Variants in EMILIN2 observed in about 807,000 individuals in gnomAD.
EMILIN2 encodes the protein elastin microfibril interfacer 2, also known as EMILIN-2.
A neutral mutation model predicts 87.1 loss-of-function variants in EMILIN2; 71 were observed. The observed-to-expected ratio is 0.82, with a 90% CI of 0.67 to 0.99. The LOEUF (loss-of-function observed/expected upper bound fraction) is 0.99, where lower values mean the gene tolerates loss of function less well. EMILIN2 is among the 50% of genes least tolerant of loss of function. The probability of loss-of-function intolerance (pLI) is 0.00; values close to 1 mark genes in which losing one functional copy is unlikely to be tolerated. For synonymous variants in EMILIN2, 581 were observed against 563.4 expected (o/e 1.03, Z -0.44); for missense variants, 1,407 against 1,371.8 (o/e 1.03, Z -0.40).
chr18:2,879,440 C>G (rs1261696683), intron 2 of EMILIN2, among the ~76,000 whole-genome samples: 2 of 152,074 alleles, frequency 1.3e-5, no homozygotes, highest in Non-Finnish European at 2.9e-5. Flanking sequence ...GGGCGGATCA[C>G]CTGAGGTTGG....
intron 2 of EMILIN2, among the ~76,000 whole-genome samples, chr18:2,868,689 G>A (rs111239452): frequency 5.5e-4 from 84 of 152,328 alleles, no homozygotes; most frequent in East Asian, 5.0e-3. Context: ...GCAGGCACTC[G>A]GCAGGCTGAG....
intron 7 of EMILIN2, among the ~76,000 whole-genome samples, 155 bp from the exon 8 acceptor site, chr18:2,912,912 G>A (rs1469720552): frequency 6.6e-6 from 1 of 152,204 alleles, no homozygotes; most frequent in Non-Finnish European, 1.5e-5. Context: ...TAGGGGATGA[G>A]CATAAAAAGC....
intron 2 of EMILIN2, among the ~76,000 whole-genome samples, chr18:2,872,500 C>T (rs2076724948): frequency 6.6e-6 from 1 of 152,130 alleles, no homozygotes; most frequent in African/African-American, 2.4e-5. Flanking sequence ...GGGATTACAG[C>T]CATGAGCCAC....
At chr18:2,873,525 G>C (rs916722172) in intron 2 of EMILIN2, among the ~76,000 whole-genome samples, 2 of 151,926 alleles carry the variant, frequency 1.3e-5, no homozygotes, top group Non-Finnish European at 2.9e-5. Context: ...GGCTAACACG[G>C]TGAAACCCCA....
chr18:2,909,298 C>T (rs2076929624), intron 6 of EMILIN2, among the ~76,000 whole-genome samples: 1 of 152,206 alleles, frequency 6.6e-6, no homozygotes, highest in South Asian at 2.1e-4. Flanking sequence ...TCCTGGGGCT[C>T]CAGGTTTTAC....
Position 2,892,308 on chromosome 18 carries a change from G to A in EMILIN2, c.2181G>A (p.Lys727=). 6.2e-7 allele frequency: 1 copy of A among 1,614,220 alleles called. No individual in the cohort carries two copies. The highest frequency in any genetic ancestry group is 1.7e-5 in the Admixed American group (1 of 60,026). Residue 727 remains lysine (K), a synonymous_variant, in exon 4 of 8, where the codon AAG becomes AAA. Transcript: ENST00000254528. ...TCTCAGGAAATCTTCAGAGGATCAA[G>A]GAGGGGCTCAACAAGCATGTCAGCA... The part of the protein sequence containing the change: ...DSISGNLQRI[K]EGLNKHVSSL...
chr18:2,880,144 A>AG lies in EMILIN2; in HGVS notation c.258-4818dup, dbSNP rs2076769660. Among the ~76,000 whole-genome samples the AG allele has an allele frequency of 6.6e-6, 1 of 152,216 alleles. No homozygotes were observed. Among genetic ancestry groups the AG allele is most frequent in the Non-Finnish European group, 1.5e-5 (1 of 68,040 alleles). On this transcript the variant is annotated intron_variant, in intron 2 of 7. Transcript: ENST00000254528. The surrounding 1 kb of genome is among the most constrained non-coding windows in gnomAD (Gnocchi z 4.1). ...AAGTGTGAACTGAGGCGTGTTATGA[A>AG]GGAGGTCTCAACTTGAGTCAGTAGA...
chr18:2,901,608 T>C, intron 4 of EMILIN2, among the ~76,000 whole-genome samples: 1 of 152,228 alleles, frequency 6.6e-6, no homozygotes, highest in African/African-American at 2.4e-5. Context: ...GCAGTGTGGC[T>C]GGTCTGTCCC....
At chr18:2,877,140 G>A (rs1032119352) in intron 2 of EMILIN2, among the ~76,000 whole-genome samples, 108 of 152,174 alleles carry the variant, frequency 7.1e-4, no homozygotes, top group African/African-American at 2.4e-3. Context: ...AGGGATCTCC[G>A]GGGTCAGAGT....
chr18:2,847,737 T>C lies in EMILIN2; in HGVS notation c.135-72T>C. The C allele has an allele frequency of 6.5e-7, 1 of 1,549,106 alleles. No homozygotes were observed. Among genetic ancestry groups the C allele is most frequent in the South Asian group, 1.2e-5 (1 of 84,538 alleles). On this transcript the variant is annotated intron_variant, in intron 1 of 7. Coordinates refer to ENST00000254528, the MANE Select transcript of EMILIN2 (RefSeq NM_032048.3). The surrounding 1 kb of genome is among the most constrained non-coding windows in gnomAD (Gnocchi z 4.5). The stretch of plus-strand genomic sequence containing the variant: ...ACCCTCGCTCGGTCTGGTGCCGCAG[T>C]CCCCTCTCCCCTGGCCTCATTGTTC...
chr18:2,847,039 GC>G lies in EMILIN2; in HGVS notation c.-149del. On this transcript the variant is annotated 5_prime_UTR_variant, in exon 1 of 8. Transcript: ENST00000254528. This position sits in a 1 kb window ranked among gnomAD's most constrained non-coding sequence, Gnocchi z 4.5. ...AAGTAGGAACGAGAAGCCGGAGGGGGCGGCCGCGGAGCACTGGTTGGAGCGC... is the reference window on the plus strand; with the variant it reads ...AAGTAGGAACGAGAAGCCGGAGGGGGGGCCGCGGAGCACTGGTTGGAGCGC... 1 of 1,057,830 alleles carries G rather than the reference GC, an allele frequency of 9.5e-7. No homozygotes were observed. The highest frequency in any genetic ancestry group is 1.7e-5 in the African/African-American group (1 of 58,128). The allele number at this position is 1,057,830 out of a possible 1,614,324, so 65.5% of individuals were successfully genotyped here.
chr18:2,873,156 A>G (rs548081806), intron 2 of EMILIN2, among the ~76,000 whole-genome samples: 53 of 152,334 alleles, frequency 3.5e-4, no homozygotes, highest in South Asian at 8.3e-4. Context: ...CATGCCTATA[A>G]TGCTAGCACT....
intron 4 of EMILIN2, among the ~76,000 whole-genome samples, chr18:2,897,861 CT>C (rs199632096): frequency 7.7e-6 from 1 of 129,518 alleles, no homozygotes; most frequent in Non-Finnish European, 1.6e-5. Flanking sequence ...AATCCTGTCT[CT>C]TTAAAAAAAA....
chr18:2,913,848 G>T lies in EMILIN2; in HGVS notation c.*444G>T. On this transcript the variant is annotated 3_prime_UTR_variant, in exon 8 of 8. Coordinates refer to ENST00000254528, the MANE Select transcript of EMILIN2 (RefSeq NM_032048.3). ...GCAGAAGTTTAAACACTGAAGTGCC[G>T]AAGTGGCCCGTGCCGCCGCACAGAG... 1 of 162,912 alleles carries T rather than the reference G, an allele frequency of 6.1e-6. No individual in the cohort carries two copies. Among genetic ancestry groups the T allele is most frequent in the South Asian group, 1.7e-4 (1 of 5,806 alleles). The allele number at this position is 162,912 out of a possible 1,614,324, so 10.1% of individuals were successfully genotyped here.
At chr18:2,900,936 A>C (rs1382611829) in intron 4 of EMILIN2, among the ~76,000 whole-genome samples, 1 of 152,212 alleles carries the variant, frequency 6.6e-6, no homozygotes, top group Admixed American at 6.5e-5. Flanking sequence ...TTTGGTCAGC[A>C]GGTATACCTT....
chr18:2,859,987 T>C (rs932053867), intron 2 of EMILIN2, among the ~76,000 whole-genome samples: 1 of 152,272 alleles, frequency 6.6e-6, no homozygotes, highest in Non-Finnish European at 1.5e-5. Flanking sequence ...ATAGTATAGT[T>C]TGAAGTCAGA....
At position 2,890,551 on chromosome 18, in the gene EMILIN2, T is replaced by C; in HGVS notation, c.434-10T>C. 6.5e-7 allele frequency: 1 copy of C among 1,541,962 alleles called. No homozygotes were observed. Among genetic ancestry groups the C allele is most frequent in the Non-Finnish European group, 8.7e-7 (1 of 1,143,240 alleles). The stretch of plus-strand genomic sequence containing the variant: ...ATGTTCATTCATGTCCAACTTTATC[T>C]TTGTAACAGATAATGAACCCAGCCA... On this transcript the variant is annotated splice_polypyrimidine_tract_variant and intron_variant, in intron 3 of 7. Coordinates refer to ENST00000254528, the MANE Select transcript of EMILIN2 (RefSeq NM_032048.3). This position sits in a 1 kb window ranked among gnomAD's most constrained non-coding sequence, Gnocchi z 4.7.
intron 3 of EMILIN2, among the ~76,000 whole-genome samples, chr18:2,885,679 G>A (rs495800): frequency 0.29 from 43,358 of 151,914 alleles, 7,691 homozygotes; most frequent in Non-Finnish European, 0.38. Context: ...CACCATGCCC[G>A]GCTGATTTTT....
At chr18:2,881,099 G>A (rs1233135933) in intron 2 of EMILIN2, among the ~76,000 whole-genome samples, 7 of 152,132 alleles carry the variant, frequency 4.6e-5, no homozygotes, top group Non-Finnish European at 8.8e-5. Flanking sequence ...AATCCCAGTA[G>A]GGATTTGGGA....
Sources: gnomAD v4.1 joint callset for allele counts (sites outside exome capture counted in the v4.1 genomes callset) on GRCh38, gnomAD v4.1.1 for gene constraint, Gnocchi (gnomAD v3.1) non-coding constraint, MANE v1.5 for transcripts, NCBI Gene and HGNC (gene_info 2026-07-23, HGNC 2026-07-21) for gene names.